MMS22L: variants seen among roughly 807,000 people sequenced by gnomAD.
The protein encoded by MMS22L is MMS22 like, DNA repair protein.
In MMS22L, 74 loss-of-function variants were observed where a neutral mutation model predicts 159.1. That is an observed-to-expected ratio of 0.47 (90% confidence interval 0.39 to 0.56). The LOEUF (loss-of-function observed/expected upper bound fraction) is 0.56, where lower values mean the gene tolerates loss of function less well. Ranked by LOEUF, MMS22L falls within the 20% of genes least tolerant of loss-of-function variation. The probability of loss-of-function intolerance (pLI) is 0.00; values close to 1 mark genes in which losing one functional copy is unlikely to be tolerated. For missense variants in MMS22L, 1,351 were observed against 1,422.1 expected (o/e 0.95, Z 0.80); for synonymous variants, 517 against 506.9 (o/e 1.02, Z -0.27).
intron 19 of MMS22L, among the ~76,000 whole-genome samples, chr6:97,172,329 G>A (rs1393099990): frequency 1.3e-5 from 2 of 151,434 alleles, no homozygotes; most frequent in East Asian, 1.9e-4. Context: ...CAGACAACCC[G>A]AATCAGGCTT....
chr6:97,215,380 T>C (rs1808899378), intron 14 of MMS22L, among the ~76,000 whole-genome samples: 2 of 152,112 alleles, frequency 1.3e-5, no homozygotes, highest in Admixed American at 6.6e-5. Context: ...CATCAACCTG[T>C]CACTTCCTAC....
chr6:97,156,953 GGA>G (rs1801919043), intron 22 of MMS22L, among the ~76,000 whole-genome samples: 1 of 151,890 alleles, frequency 6.6e-6, no homozygotes, highest in Non-Finnish European at 1.5e-5. Context: ...CCATGAGTAT[GGA>G]ATGTTCTTCC....
intron 22 of MMS22L, among the ~76,000 whole-genome samples, chr6:97,157,852 T>G (rs1205149844): frequency 2.0e-5 from 3 of 152,124 alleles, no homozygotes; most frequent in African/African-American, 7.2e-5. Context: ...TTAGGGAGGA[T>G]TCCCTCTTTT....
Position 97,263,404 on chromosome 6 carries a change from T to C in MMS22L, c.873A>G (p.Leu291=), listed in dbSNP as rs766657618. 1.9e-6 allele frequency: 3 copies of C among 1,593,612 alleles called. No homozygotes were observed. Among genetic ancestry groups the C allele is most frequent in the South Asian group, 1.2e-5 (1 of 86,824 alleles). The change falls in exon 9 of 25, where the codon TTA becomes TTG. Residue 291 remains leucine, a synonymous_variant. Transcript: ENST00000683635. ...ESLMSDQCPC[L]CIKELWVLLI... ...GTAGAACCCATAATTCTTTAATGCA[T>C]AAACATGGACACTGGTCACTCATTA...
intron 22 of MMS22L, among the ~76,000 whole-genome samples, chr6:97,152,240 TA>T (rs1308202936): frequency 2.0e-5 from 3 of 152,080 alleles, no homozygotes; most frequent in African/African-American, 7.2e-5. Flanking sequence ...ATTGATTTTT[TA>T]AAAATTCATA....
At chr6:97,212,343 G>A (rs542043858) in intron 14 of MMS22L, among the ~76,000 whole-genome samples, 5 of 152,284 alleles carry the variant, frequency 3.3e-5, no homozygotes, top group Non-Finnish European at 5.9e-5. Context: ...AGGGGACAGA[G>A]ATGTGACCAA....
At chr6:97,184,322 C>G (rs1021297411) in intron 15 of MMS22L, among the ~76,000 whole-genome samples, 1 of 152,128 alleles carries the variant, frequency 6.6e-6, no homozygotes, top group African/African-American at 2.4e-5. Context: ...TCAAACTTTT[C>G]TTTTCATCCA....
At chr6:97,152,470 A>G (rs533868430) in intron 22 of MMS22L, among the ~76,000 whole-genome samples, 1 of 150,628 alleles carries the variant, frequency 6.6e-6, no homozygotes, top group East Asian at 1.9e-4. Context: ...AATAATGCAA[A>G]AATACCAAGA....
At position 97,192,167 on chromosome 6, in the gene MMS22L, C is replaced by CGGATGGAT. The variant is rs111699319; in HGVS notation, c.2040-5485_2040-5478dup. Among the ~76,000 whole-genome samples the CGGATGGAT allele has an allele frequency of 2.2e-4, 32 of 148,378 alleles. 1 individual carries two copies. Among genetic ancestry groups the CGGATGGAT allele is most frequent in the African/African-American group, 7.2e-4 (29 of 40,174 alleles). On this transcript the variant is annotated intron_variant, in intron 14 of 24. Transcript: ENST00000683635. ...GAGGAGGGGGTAAGTAGGTGGTAGA[C>CGGATGGAT]GGATGGATGGATGGATGGATGGATG...
At position 97,231,566 on chromosome 6, in the gene MMS22L, C is replaced by T. The variant is rs1364404242; in HGVS notation, c.1389G>A (p.Lys463=). Reference sequence around the variant, plus strand: ...GATCTTGTTTATCGCAACAGCAAGTCTTCACCATTTCAAGCATAGACAAGG... The same window carrying T: ...GATCTTGTTTATCGCAACAGCAAGTTTTCACCATTTCAAGCATAGACAAGG... The part of the protein sequence containing the change: ...KSPLSMLEMV[K]TCCCDKQDQE... The change falls in exon 13 of 25, where the codon AAG becomes AAA. Residue 463 remains lysine, a synonymous_variant. Coordinates refer to ENST00000683635, the MANE Select transcript of MMS22L (RefSeq NM_001350599.2). 1.2e-6 allele frequency: 2 copies of T among 1,613,784 alleles called. No individual in the cohort carries two copies. The highest frequency in any genetic ancestry group is 1.7e-6 in the Non-Finnish European group (2 of 1,179,826).
chr6:97,179,399 C>G lies in MMS22L; in HGVS notation c.2536+9G>C. 1.2e-6 allele frequency: 2 copies of G among 1,610,842 alleles called. No individual in the cohort carries two copies. The highest frequency in any genetic ancestry group is 1.7e-6 in the Non-Finnish European group (2 of 1,178,454). ...CCCCATCCTCCCCAAAAAACGTACA[C>G]TTACTTACCAACTGCCTCTTCCAGA... On this transcript the variant is annotated intron_variant, in intron 17 of 24. Transcript: ENST00000683635.
intron 3 of MMS22L, among the ~76,000 whole-genome samples, chr6:97,279,118 TAA>T (rs1187489303): frequency 1.3e-5 from 2 of 152,222 alleles, no homozygotes; most frequent in Non-Finnish European, 2.9e-5. Context: ...AATTATCTAT[TAA>T]AGACTGCATA....
At position 97,143,816 on chromosome 6, in the gene MMS22L, G is replaced by C. The variant is rs1404993721; in HGVS notation, c.*2990C>G. The C allele has an allele frequency of 6.6e-6, 1 of 152,162 alleles. No homozygotes were observed. The highest frequency in any genetic ancestry group is 1.5e-5 in the Non-Finnish European group (1 of 68,120). The allele number at this position is 152,162 out of a possible 1,614,324, so 9.4% of individuals were successfully genotyped here. ...GAGGTTTAGAGATGAATTAGCACTAGGTGGCTCATCACGCCTGTAATCCCA... is the reference window on the plus strand; with the variant it reads ...GAGGTTTAGAGATGAATTAGCACTACGTGGCTCATCACGCCTGTAATCCCA... On this transcript the variant is annotated 3_prime_UTR_variant, in exon 25 of 25. Coordinates refer to ENST00000683635, the MANE Select transcript of MMS22L (RefSeq NM_001350599.2).
chr6:97,209,750 CAAAGT>C (rs1251554700), intron 14 of MMS22L, among the ~76,000 whole-genome samples: 2 of 151,878 alleles, frequency 1.3e-5, no homozygotes, highest in Non-Finnish European at 2.9e-5. Context: ...AAAAATCACT[CAAAGT>C]AAATATTTGA....
At chr6:97,228,570 A>T (rs1301385714) in intron 14 of MMS22L, among the ~76,000 whole-genome samples, 2 of 152,234 alleles carry the variant, frequency 1.3e-5, no homozygotes, top group Non-Finnish European at 2.9e-5. Flanking sequence ...TATAAGATGT[A>T]TGTGAAACAT....
chr6:97,261,049 T>TC (rs773857855), intron 9 of MMS22L: 5 of 152,184 alleles, frequency 3.3e-5, no homozygotes, highest in Non-Finnish European at 7.3e-5. Flanking sequence ...TTCTTTCTTA[T>TC]CAGTTCTCCG....
chr6:97,145,012 G>GA lies in MMS22L; in HGVS notation c.*1793dup, dbSNP rs1216044544. On this transcript the variant is annotated 3_prime_UTR_variant, in exon 25 of 25. Coordinates refer to ENST00000683635, the MANE Select transcript of MMS22L (RefSeq NM_001350599.2). ...AAGGTATCTTTATCAATCTCCTTTG[G>GA]AAAAAAAAAACCCACACACACACAC... 41 of 90,896 alleles carry GA rather than the reference G, an allele frequency of 4.5e-4. 2 individuals are homozygous for GA. Among genetic ancestry groups the GA allele is most frequent in the Non-Finnish European group, 5.3e-4 (24 of 45,528 alleles). The allele number at this position is 90,896 out of a possible 1,614,324, so 5.6% of individuals were successfully genotyped here.
intron 9 of MMS22L, among the ~76,000 whole-genome samples, chr6:97,257,177 C>T (rs1813903370): frequency 6.6e-6 from 1 of 152,100 alleles, no homozygotes; most frequent in African/African-American, 2.4e-5. Context: ...TCCTTTTTAA[C>T]TATAGTTAGA....
At chr6:97,246,300 C>A (rs992130300) in intron 11 of MMS22L, 14 of 372,118 alleles carry the variant, frequency 3.8e-5, no homozygotes, top group African/African-American at 2.9e-4. Context: ...GCTGAATTTT[C>A]AATGCCAATG....
Sources: gnomAD v4.1 joint callset for allele counts (sites outside exome capture counted in the v4.1 genomes callset) on GRCh38, gnomAD v4.1.1 for gene constraint, MANE v1.5 for transcripts, NCBI Gene and HGNC (gene_info 2026-07-23, HGNC 2026-07-21) for gene names.